SUGCT: variants seen among roughly 807,000 people sequenced by gnomAD.
SUGCT encodes the protein succinyl-CoA:glutarate-CoA transferase.
SUGCT carries 41 observed loss-of-function variants against 55.0 expected under a neutral mutation model. The observed-to-expected ratio is 0.74, with a 90% CI of 0.58 to 0.97. SUGCT has a LOEUF of 0.97. Ranked by LOEUF, SUGCT falls within the 50% of genes least tolerant of loss-of-function variation. The pLI is 0.00. For synonymous variants in SUGCT, 187 were observed against 200.4 expected, an observed-to-expected ratio of 0.93 and a Z score of 0.56; for missense variants, 568 against 547.8, an observed-to-expected ratio of 1.04 and a Z score of -0.37.
At chr7:40,880,750 A>C in the SUGCT span, among the ~76,000 whole-genome samples, 1 of 152,204 alleles carries the variant, frequency 6.6e-6, no homozygotes, top group East Asian at 1.9e-4. Flanking sequence ...TGATTCAGTG[A>C]CCTATGCTGA....
chr7:40,846,967 G>A (rs1451270952), intron 13 of SUGCT, among the ~76,000 whole-genome samples: 5 of 152,178 alleles, frequency 3.3e-5, no homozygotes, highest in African/African-American at 1.2e-4. Context: ...ATTATGCCAA[G>A]TGCTTAACAC....
At chr7:40,501,513 T>C (rs1792279596) in intron 12 of SUGCT, among the ~76,000 whole-genome samples, 1 of 152,158 alleles carries the variant, frequency 6.6e-6, no homozygotes, top group South Asian at 2.1e-4. Flanking sequence ...ATGTTCTTTT[T>C]CTTCTATATA....
chr7:40,233,944 TC>T (rs1722646072), intron 6 of SUGCT, among the ~76,000 whole-genome samples: 1 of 152,188 alleles, frequency 6.6e-6, no homozygotes, highest in African/African-American at 2.4e-5. Flanking sequence ...ATCCTAAAAC[TC>T]CCCTTTTTCC....
rs1484161976 is a variant in SUGCT, at chr7:40,530,767, T to A, written c.1089+34381T>A. On this transcript the variant is annotated intron_variant, in intron 12 of 13. Coordinates refer to ENST00000335693, the MANE Select transcript of SUGCT (RefSeq NM_001193313.2). ...TGGTTTAAATTTTAGATTCAGCTAA[T>A]CTAAACTAAATCCCTTCTATATCAC... is the stretch of plus-strand genomic sequence containing the variant. Among the ~76,000 whole-genome samples the A allele has an allele frequency of 3.9e-5, 6 of 152,362 alleles. No homozygotes were observed. In the East Asian group the frequency reaches 5.8e-4, roughly 15 times the overall value.
intron 12 of SUGCT, among the ~76,000 whole-genome samples, chr7:40,664,316 A>G (rs533093377): frequency 1.0e-3 from 153 of 152,364 alleles, no homozygotes; most frequent in Non-Finnish European, 1.5e-3. Context: ...GTTTGGAAAC[A>G]TGGAGCTAGA....
intron 12 of SUGCT, among the ~76,000 whole-genome samples, chr7:40,624,852 A>C (rs1419551973): frequency 6.6e-6 from 1 of 151,514 alleles, no homozygotes; most frequent in East Asian, 1.9e-4. Context: ...ACCTTCTTTT[A>C]TCTGTTTTCA....
intron 6 of SUGCT, among the ~76,000 whole-genome samples, chr7:40,205,923 A>G (rs548190129): frequency 6.6e-6 from 1 of 152,298 alleles, no homozygotes; most frequent in South Asian, 2.1e-4. Flanking sequence ...TAAATTTAGT[A>G]TAGATCATTA....
rs571427543 is a variant in SUGCT at position 40,697,433 on chromosome 7, G to A, written c.1090-52001G>A. ...GTGGATCACTTGAGGTCAGGAGTTC[G>A]AGACCAGCCTGGCCAACGTGGTGAA... On this transcript the variant is annotated intron_variant, in intron 12 of 13. Coordinates refer to ENST00000335693, the MANE Select transcript of SUGCT (RefSeq NM_001193313.2). Among the ~76,000 whole-genome samples, 9 of 152,142 alleles carry A rather than the reference G, an allele frequency of 5.9e-5. No homozygotes were observed. The South Asian group carries it at 8.3e-4, about 14-fold the overall frequency.
intron 11 of SUGCT, among the ~76,000 whole-genome samples, chr7:40,480,292 T>A (rs1435163812): frequency 1.3e-5 from 2 of 152,180 alleles, no homozygotes; most frequent in Non-Finnish European, 2.9e-5. Flanking sequence ...CCCTATTCTA[T>A]GTTCGTGGCA....
the SUGCT span, among the ~76,000 whole-genome samples, chr7:41,033,314 C>T: frequency 6.6e-6 from 1 of 152,200 alleles, no homozygotes; most frequent in Non-Finnish European, 1.5e-5. Context: ...CTTCCACTAC[C>T]TGCTCTCTTA....
chr7:40,521,220 G>T (rs181602269), intron 12 of SUGCT, among the ~76,000 whole-genome samples: 58 of 152,200 alleles, frequency 3.8e-4, no homozygotes, highest in African/African-American at 1.3e-3. Flanking sequence ...TGCCATCCCC[G>T]TGTGATGCTG....
intron 5 of SUGCT, among the ~76,000 whole-genome samples, chr7:40,194,010 C>T (rs1786099210): frequency 6.6e-6 from 1 of 152,072 alleles, no homozygotes; most frequent in South Asian, 2.1e-4. Context: ...GCTGCATTGT[C>T]CTCTAATTCC....
intron 11 of SUGCT, among the ~76,000 whole-genome samples, chr7:40,467,919 T>G (rs1212349474): frequency 6.6e-6 from 1 of 152,098 alleles, no homozygotes; most frequent in Non-Finnish European, 1.5e-5. Context: ...GAATACATTT[T>G]ACTTTGTACT....
intron 11 of SUGCT, among the ~76,000 whole-genome samples, chr7:40,486,719 C>T (rs1235050494): frequency 2.9e-5 from 4 of 140,198 alleles, no homozygotes; most frequent in South Asian, 2.2e-4. Flanking sequence ...CATTTTTCTT[C>T]CTTCCTTTTT....
At chr7:40,269,819 T>C (rs1317512655) in intron 7 of SUGCT, among the ~76,000 whole-genome samples, 1 of 152,222 alleles carries the variant, frequency 6.6e-6, no homozygotes, top group Middle Eastern at 3.2e-3. Context: ...ATTTTTCTTG[T>C]TATTTTTGCG....
At chr7:40,317,434 A>C (rs1795500399) in intron 9 of SUGCT, among the ~76,000 whole-genome samples, 1 of 152,196 alleles carries the variant, frequency 6.6e-6, no homozygotes, top group Non-Finnish European at 1.5e-5. Context: ...TTTAAAACAA[A>C]ACCTAGCTCT....
chr7:40,547,445 T>C (rs1344478076), intron 12 of SUGCT, among the ~76,000 whole-genome samples: 1 of 152,204 alleles, frequency 6.6e-6, no homozygotes, highest in Admixed American at 6.5e-5. Context: ...TCTTTTTTAT[T>C]ATTATTACTT....
intron 12 of SUGCT, among the ~76,000 whole-genome samples, chr7:40,568,941 A>G (rs1796290267): frequency 6.6e-6 from 1 of 152,162 alleles, no homozygotes; most frequent in South Asian, 2.1e-4. Context: ...GGGGAAGTTC[A>G]TTGTCCTTTT....
In SUGCT at chr7:40,448,961, TAG is replaced by T. The variant is rs1163648397; in HGVS notation, c.817-304_817-303del. On this transcript the variant is annotated intron_variant, in intron 9 of 13. Coordinates refer to ENST00000335693, the MANE Select transcript of SUGCT (RefSeq NM_001193313.2). ...GTGTGTGTGTGTGTGTATATATATA[TAG>T]AGAGAGAGAGAGAGAGAGAGAAAGA... Among the ~76,000 whole-genome samples the T allele has an allele frequency of 7.7e-3, 1,110 of 143,974 alleles. 12 individuals are homozygous for T. The highest frequency in any genetic ancestry group is 0.025 in the African/African-American group (947 of 38,252). 94.5% of individuals were successfully genotyped at this position (143,974 alleles called of 152,430 possible).
Sources: allele counts gnomAD v4.1 joint callset (sites outside exome capture counted in the v4.1 genomes callset), GRCh38; gene constraint gnomAD v4.1.1; transcripts MANE v1.5; gene names NCBI Gene and HGNC (gene_info 2026-07-23, HGNC 2026-07-21).